CCDC190: variants seen among roughly 807,000 people sequenced by gnomAD.
CCDC190 encodes coiled-coil domain-containing protein 190.
CCDC190 carries 10 observed loss-of-function variants against 13.1 expected under a neutral mutation model. That is an observed-to-expected ratio of 0.77 (90% CI 0.47 to 1.30). The LOEUF is 1.30. Among genes scored for constraint, CCDC190 ranks in the 50% most tolerant of loss-of-function variants. CCDC190 has a pLI of 0.00. For synonymous variants in CCDC190, 136 were observed against 127.2 expected (o/e 1.07, Z -0.47); for missense variants, 375 against 354.3 (o/e 1.06, Z -0.47).
At chr1:162,859,275 C>T (rs1446969860) in intron 2 of CCDC190, among the ~76,000 whole-genome samples, 185 bp downstream of exon 2, 4 of 152,186 alleles carry the variant, frequency 2.6e-5, no homozygotes, top group Non-Finnish European at 5.9e-5. Flanking sequence ...GAGTAGGCTG[C>T]TGCAGGGAGC....
At position 162,854,342 on chromosome 1, in the gene CCDC190, A is replaced by G. The variant is rs1190061326; in HGVS notation, c.*423T>C. ...CTTTATAGACCATGTTACAGTACCT[A>G]TTTACAATCACATTCCTATTCCTAC... On this transcript the variant is annotated 3_prime_UTR_variant, in exon 4 of 4. Transcript: ENST00000367912. 3 of 993,314 alleles carry G rather than the reference A, an allele frequency of 3.0e-6. No homozygotes were observed. Among genetic ancestry groups the G allele is most frequent in the African/African-American group, 3.5e-5 (2 of 57,324 alleles). 61.5% of individuals were successfully genotyped at this position (993,314 alleles called of 1,614,324 possible). A position where few individuals can be genotyped will look rare whatever the true frequency, so the allele number is the denominator to read the frequency against.
upstream of CCDC190, among the ~76,000 whole-genome samples, chr1:162,862,795 G>A (rs919020649): frequency 1.3e-5 from 2 of 152,148 alleles, no homozygotes; most frequent in African/African-American, 4.8e-5. Context: ...AAAAGACAAG[G>A]GAGAGGAGGT....
Position 162,854,518 on chromosome 1 carries a change from T to A in CCDC190, c.*247A>T. On this transcript the variant is annotated 3_prime_UTR_variant, in exon 4 of 4. Coordinates refer to ENST00000367912, the MANE Select transcript of CCDC190 (RefSeq NM_001394065.1). The stretch of plus-strand genomic sequence containing the variant: ...TCCAGTCATCAATATATATTCATAT[T>A]TTTGATGACATCATAAACATATCAC... 1.6e-6 allele frequency: 2 copies of A among 1,249,022 alleles called. No individual in the cohort carries two copies. The highest frequency in any genetic ancestry group is 2.0e-6 in the Non-Finnish European group (2 of 995,040). 77.4% of individuals were successfully genotyped at this position (1,249,022 alleles called of 1,614,324 possible).
rs769427289 is a variant in CCDC190, at chr1:162,855,692, A to C, written c.251T>G (p.Val84Gly). Residue 84 changes from valine (V) to glycine (G), a missense_variant, in exon 3 of 4, where the codon GTT (valine) becomes GGT (glycine). Coordinates refer to ENST00000367912, the MANE Select transcript of CCDC190 (RefSeq NM_001394065.1). ...GNGFQKRPED[V>G]LVFSPQGRQK... The stretch of plus-strand genomic sequence containing the variant: ...CCTTCCCTGTGGTGAGAACACGAGA[A>C]CATCTTCTGGTCTCTTCTGAAATCC... 14 of 1,613,738 alleles carry C rather than the reference A, an allele frequency of 8.7e-6. No individual in the cohort carries two copies. The highest frequency in any genetic ancestry group is 1.7e-5 in the Admixed American group (1 of 60,000).
At chr1:162,855,795 T>A in intron 2 of CCDC190, 40 bp from the exon 3 acceptor site, 1 of 1,547,632 alleles carries the variant, frequency 6.5e-7, no homozygotes, top group East Asian at 2.4e-5. Context: ...AGTTGGATTG[T>A]GTCCTTAAAT....
chr1:162,865,365 T>G (rs1291168000), upstream of CCDC190, among the ~76,000 whole-genome samples: 1 of 152,094 alleles, frequency 6.6e-6, no homozygotes, highest in Non-Finnish European at 1.5e-5. Context: ...TAAAGGAAAT[T>G]GAAACAACAC....
At position 162,852,795 on chromosome 1, in the gene CCDC190, C is replaced by T. The variant is rs542463795; in HGVS notation, c.*1970G>A. The T allele has an allele frequency of 5.9e-5, 15 of 252,294 alleles. No homozygotes were observed. Among genetic ancestry groups the T allele is most frequent in the East Asian group, 3.1e-4 (4 of 12,736 alleles). The allele number at this position is 252,294 out of a possible 1,614,324, so 15.6% of individuals were successfully genotyped here. On this transcript the variant is annotated 3_prime_UTR_variant, in exon 4 of 4. Coordinates refer to ENST00000367912, the MANE Select transcript of CCDC190 (RefSeq NM_001394065.1). The stretch of plus-strand genomic sequence containing the variant: ...CTCCTGCCTTGTGATGGCCCCTTCC[C>T]GCTGTGAGAGCTAGTACAGTGAAAA...
In CCDC190 at chr1:162,853,965, CAA is replaced by C. The variant is rs1468094663; in HGVS notation, c.*798_*799del. ...ATATTTGGGTCTGTTGGATGGGAAACAAAATCTAATCGATTCTTTTACAGTGT... is the reference window on the plus strand; with the variant it reads ...ATATTTGGGTCTGTTGGATGGGAAACAATCTAATCGATTCTTTTACAGTGT... On this transcript the variant is annotated 3_prime_UTR_variant, in exon 4 of 4. Transcript: ENST00000367912. 4.6e-5 allele frequency among the ~76,000 whole-genome samples: 7 copies of C among 152,156 alleles called. No individual in the cohort carries two copies. The highest frequency in any genetic ancestry group is 7.4e-5 in the Non-Finnish European group (5 of 68,024).
upstream of CCDC190, among the ~76,000 whole-genome samples, chr1:162,864,827 A>C (rs1276342932): frequency 1.3e-5 from 2 of 152,102 alleles, no homozygotes; most frequent in African/African-American, 2.4e-5. Flanking sequence ...AATAGGAAAG[A>C]GGAAATAAAA....
At position 162,853,192 on chromosome 1, in the gene CCDC190, T is replaced by G. The variant is rs1650172965; in HGVS notation, c.*1573A>C. On this transcript the variant is annotated 3_prime_UTR_variant, in exon 4 of 4. Coordinates refer to ENST00000367912, the MANE Select transcript of CCDC190 (RefSeq NM_001394065.1). ...GAAACTGACTCTCAAATGTTTGATC[T>G]AAGTTTTTGTCTTCAGATAGGTGGT... The G allele has an allele frequency of 1.3e-6, 2 of 1,524,572 alleles. No individual in the cohort carries two copies. Among genetic ancestry groups the G allele is most frequent in the Non-Finnish European group, 1.8e-6 (2 of 1,131,040 alleles). 94.4% of individuals were successfully genotyped at this position (1,524,572 alleles called of 1,614,324 possible).
chr1:162,861,747 G>A (rs542747317), upstream of CCDC190, among the ~76,000 whole-genome samples: 1 of 152,274 alleles, frequency 6.6e-6, no homozygotes, highest in East Asian at 1.9e-4. Context: ...AGAAGGTTGA[G>A]CAGAGCTATT....
In CCDC190 at chr1:162,852,883, C is replaced by T. The variant is rs572817686; in HGVS notation, c.*1882G>A. ...CAGCCTTGAGGGAGAATTGTGATGA[C>T]GATAGGCAAGGCTTGCGTAGAAGAC... On this transcript the variant is annotated 3_prime_UTR_variant, in exon 4 of 4. Transcript: ENST00000367912. 28 of 528,706 alleles carry T rather than the reference C, an allele frequency of 5.3e-5. No homozygotes were observed. The highest frequency in any genetic ancestry group is 2.9e-4 in the South Asian group (12 of 41,362). The allele number at this position is 528,706 out of a possible 1,614,324, so 32.8% of individuals were successfully genotyped here.
At position 162,854,598 on chromosome 1, in the gene CCDC190, G is replaced by C. The variant is rs990666922; in HGVS notation, c.*167C>G. 1.4e-6 allele frequency: 2 copies of C among 1,393,388 alleles called. No individual in the cohort carries two copies. Among genetic ancestry groups the C allele is most frequent in the Non-Finnish European group, 1.9e-6 (2 of 1,075,252 alleles). 86.3% of individuals were successfully genotyped at this position (1,393,388 alleles called of 1,614,324 possible). A position where few individuals can be genotyped will look rare whatever the true frequency, so the allele number is the denominator to read the frequency against. The stretch of plus-strand genomic sequence containing the variant: ...CTCTCCTTTTTCATATATTAGCATT[G>C]TTCATTCAAGAAATATTATATTCCC... On this transcript the variant is annotated 3_prime_UTR_variant, in exon 4 of 4. Coordinates refer to ENST00000367912, the MANE Select transcript of CCDC190 (RefSeq NM_001394065.1).
chr1:162,853,091 T>C lies in CCDC190; in HGVS notation c.*1674A>G, dbSNP rs1650170016. 1 of 1,544,340 alleles carries C rather than the reference T, an allele frequency of 6.5e-7. No individual in the cohort carries two copies. Among genetic ancestry groups the C allele is most frequent in the Non-Finnish European group, 8.8e-7 (1 of 1,141,172 alleles). ...TGCTTTGCTTCATGGAAGAAAGTGT[T>C]GGAGGAAGCAGATTTCTTGTGTTCC... On this transcript the variant is annotated 3_prime_UTR_variant, in exon 4 of 4. Transcript: ENST00000367912.
At chr1:162,860,897 A>T in intron 1 of CCDC190, 111 bp downstream of exon 1, 1 of 382,220 alleles carries the variant, frequency 2.6e-6, no homozygotes, top group Non-Finnish European at 3.6e-6. Flanking sequence ...GCTTAACATT[A>T]AAAAGGAAGA....
At chr1:162,868,729 T>TGGAGAAACTGAAGGCCTCTTTGTGG (rs369106791) in exon 1 of CCDC190, 32 of 152,240 alleles carry the variant, frequency 2.1e-4, no homozygotes, top group South Asian at 6.2e-4. Context: ...GGGGGCTCAC[T>TGGAGAAACTGAAGGCCTCTTTGTGG]GCATCTCCTA....
Position 162,853,150 on chromosome 1 carries a change from C to T in CCDC190, c.*1615G>A. ...TAAAGTATTGTCTCCCCATTGAAGG[C>T]CAGAGGCTGGGCTGATGAAACTGAC... On this transcript the variant is annotated 3_prime_UTR_variant, in exon 4 of 4. Coordinates refer to ENST00000367912, the MANE Select transcript of CCDC190 (RefSeq NM_001394065.1). 9 of 1,548,484 alleles carry T rather than the reference C, an allele frequency of 5.8e-6. No individual in the cohort carries two copies. Among genetic ancestry groups the T allele is most frequent in the Non-Finnish European group, 7.9e-6 (9 of 1,145,786 alleles).
At chr1:162,859,730 G>T in intron 1 of CCDC190, 72 bp from the exon 2 acceptor site, 2 of 1,248,362 alleles carry the variant, frequency 1.6e-6, no homozygotes, top group South Asian at 3.0e-5. Flanking sequence ...CTTTTAATCA[G>T]AGATCAGTGG....
intron 1 of CCDC190, among the ~76,000 whole-genome samples, chr1:162,867,853 A>G (rs1650761351): frequency 6.6e-6 from 1 of 152,168 alleles, no homozygotes; most frequent in Admixed American, 6.5e-5. Context: ...GATTCCATAT[A>G]TTTGAAATAT....
Sources: allele counts gnomAD v4.1 joint callset (sites outside exome capture counted in the v4.1 genomes callset), GRCh38; gene constraint gnomAD v4.1.1; transcripts MANE v1.5; gene names NCBI Gene and HGNC (gene_info 2026-07-23, HGNC 2026-07-21).